MAPRE2: variants seen among roughly 807,000 people sequenced by gnomAD.
MAPRE2 encodes microtubule associated protein RP/EB family member 2.
MAPRE2 carries 13 observed loss-of-function variants against 43.2 expected under a neutral mutation model. The observed-to-expected ratio is 0.30, with a 90% CI of 0.20 to 0.48. The LOEUF is 0.48. Ranked by LOEUF, MAPRE2 falls within the 20% of genes least tolerant of loss-of-function variation. The pLI is 0.99. For missense variants in MAPRE2, 161 were observed against 400.2 expected (o/e 0.40, Z 5.10); for synonymous variants, 135 against 148.8 (o/e 0.91, Z 0.68).
intron 4 of MAPRE2, among the ~76,000 whole-genome samples, chr18:35,122,661 C>T (rs925235189): frequency 2.6e-5 from 4 of 152,202 alleles, no homozygotes; most frequent in African/African-American, 4.8e-5. Context: ...GCGGTGCTTC[C>T]ATCCCACATG....
In MAPRE2 at chr18:35,047,874, C is replaced by CT. The variant is rs549721737; in HGVS notation, c.122+6216dup. Among the ~76,000 whole-genome samples the CT allele has an allele frequency of 1.6e-4, 24 of 152,252 alleles. 1 individual carries two copies. The highest frequency in any genetic ancestry group is 1.4e-3 in the Admixed American group (21 of 15,296). ...ATACATGAAATGATCAAGTTGACAGCTTTGAGTGATGGTGTCCTCTAATGC... is the reference window on the plus strand; with the variant it reads ...ATACATGAAATGATCAAGTTGACAGCTTTTGAGTGATGGTGTCCTCTAATGC... On this transcript the variant is annotated intron_variant, in intron 1 of 6. Coordinates refer to ENST00000300249, the MANE Select transcript of MAPRE2 (RefSeq NM_014268.4).
intron 1 of MAPRE2, among the ~76,000 whole-genome samples, chr18:34,985,412 A>T (rs2097019798): frequency 1.6e-4 from 5 of 30,304 alleles, no homozygotes; most frequent in African/African-American, 4.9e-4. Context: ...ATATATTATA[A>T]ATATAATATG....
intron 2 of MAPRE2, among the ~76,000 whole-genome samples, chr18:35,089,734 T>G (rs540589463): frequency 6.6e-6 from 1 of 152,272 alleles, no homozygotes; most frequent in South Asian, 2.1e-4. Context: ...AGTGTGATAG[T>G]TTTTCAAATT....
chr18:35,002,891 A>G (rs2150579457), intron 1 of MAPRE2, among the ~76,000 whole-genome samples: 1 of 152,214 alleles, frequency 6.6e-6, no homozygotes, highest in East Asian at 1.9e-4. Flanking sequence ...AAAAGTTTTT[A>G]ATTTTGATGA....
intron 1 of MAPRE2, among the ~76,000 whole-genome samples, chr18:34,995,418 T>G (rs768543456): frequency 2.6e-5 from 4 of 152,244 alleles, no homozygotes; most frequent in Non-Finnish European, 4.4e-5. Context: ...GTGGCTTCAC[T>G]GAGGGTGCTC....
intron 1 of MAPRE2, among the ~76,000 whole-genome samples, chr18:34,981,385 A>C (rs1339258391): frequency 6.6e-6 from 1 of 152,046 alleles, no homozygotes; most frequent in African/African-American, 2.4e-5. Context: ...ATCTTAAAAA[A>C]AAAAAAAGAC....
At chr18:35,112,184 C>CTTT (rs1163762591) in intron 4 of MAPRE2, among the ~76,000 whole-genome samples, 4 of 141,014 alleles carry the variant, frequency 2.8e-5, no homozygotes, top group Non-Finnish European at 6.2e-5. Context: ...TCCTTCCTTC[C>CTTT]TTTTTTTTTT....
chr18:35,009,484 T>C (rs938519000), intron 2 of MAPRE2, among the ~76,000 whole-genome samples: 2 of 152,228 alleles, frequency 1.3e-5, no homozygotes, highest in Non-Finnish European at 2.9e-5. Flanking sequence ...GAGTTTCCCC[T>C]GGAATGAAAC....
chr18:35,095,113 A>G (rs1483838819), intron 2 of MAPRE2, among the ~76,000 whole-genome samples: 3 of 152,174 alleles, frequency 2.0e-5, no homozygotes, highest in African/African-American at 7.2e-5. Flanking sequence ...TAAATTCCAC[A>G]TGGATTCAGA....
At chr18:35,090,471 C>A (rs577206886) in intron 2 of MAPRE2, among the ~76,000 whole-genome samples, 2 of 152,094 alleles carry the variant, frequency 1.3e-5, no homozygotes, top group Non-Finnish European at 2.9e-5. Context: ...GTGGCTCACG[C>A]GTGTAATCCC....
chr18:35,007,106 A>G (rs2150581323), intron 2 of MAPRE2, among the ~76,000 whole-genome samples: 1 of 152,346 alleles, frequency 6.6e-6, no homozygotes, highest in African/African-American at 2.4e-5. Flanking sequence ...AGGAAGAACC[A>G]GGAAGAGAAA....
At chr18:35,024,324 C>A (rs889244192) in intron 2 of MAPRE2, among the ~76,000 whole-genome samples, 3 of 152,184 alleles carry the variant, frequency 2.0e-5, no homozygotes, top group Non-Finnish European at 2.9e-5. Context: ...AGATTTTCTC[C>A]AACCCCTCTG....
At chr18:35,078,620 TG>T (rs1218770725) in intron 2 of MAPRE2, among the ~76,000 whole-genome samples, 1 of 152,208 alleles carries the variant, frequency 6.6e-6, no homozygotes, top group African/African-American at 2.4e-5. Context: ...CTCTCATTGC[TG>T]TATGTGTGGC....
intron 1 of MAPRE2, among the ~76,000 whole-genome samples, chr18:35,043,184 C>A (rs1259316978): frequency 6.6e-6 from 1 of 152,198 alleles, no homozygotes; most frequent in Non-Finnish European, 1.5e-5. Context: ...CCTCTTACTC[C>A]TCCACCTTTT....
At chr18:35,048,475 C>T (rs906296695) in intron 1 of MAPRE2, among the ~76,000 whole-genome samples, 2 of 150,898 alleles carry the variant, frequency 1.3e-5, no homozygotes, top group African/African-American at 4.9e-5. Flanking sequence ...TATACACATA[C>T]ATATATACTT....
intron 1 of MAPRE2, among the ~76,000 whole-genome samples, chr18:34,980,307 G>A (rs2150568548): frequency 6.6e-6 from 1 of 152,204 alleles, no homozygotes; most frequent in South Asian, 2.1e-4. Flanking sequence ...TTACAGGAGT[G>A]AGCCACCACA....
At chr18:35,108,175 A>G (rs538641165) in intron 4 of MAPRE2, among the ~76,000 whole-genome samples, 3 of 152,076 alleles carry the variant, frequency 2.0e-5, no homozygotes, top group Non-Finnish European at 4.4e-5. Flanking sequence ...CCCTGTGTCC[A>G]TGTGTTCTCA....
intron 2 of MAPRE2, among the ~76,000 whole-genome samples, chr18:35,013,106 G>A (rs2097035814): frequency 6.6e-6 from 1 of 152,164 alleles, no homozygotes. Flanking sequence ...CAACAAAGAG[G>A]TTGTTAGTGA....
At chr18:35,017,692 T>C (rs1178174989) in intron 2 of MAPRE2, among the ~76,000 whole-genome samples, 2 of 151,968 alleles carry the variant, frequency 1.3e-5, no homozygotes, top group Non-Finnish European at 2.9e-5. Context: ...TGAAACTTTA[T>C]TGAAGTTGTT....
Sources: allele counts gnomAD v4.1 joint callset (sites outside exome capture counted in the v4.1 genomes callset), GRCh38; gene constraint gnomAD v4.1.1; transcripts MANE v1.5; gene names NCBI Gene and HGNC (gene_info 2026-07-23, HGNC 2026-07-21).